Variants in PCDHA6 observed in about 807,000 individuals in gnomAD.
PCDHA6 encodes protocadherin alpha-6.
Under a neutral mutation model 60.3 loss-of-function variants are expected in PCDHA6, and 55 were observed. The ratio of observed to expected loss-of-function variants is 0.91; its 90% CI spans 0.73 to 1.14. The LOEUF is 1.14. PCDHA6 is among the 50% of genes most tolerant of loss of function. The pLI, the probability that PCDHA6 is intolerant of heterozygous loss-of-function variation, is 0.00. For synonymous variants in PCDHA6, 652 were observed against 557.9 expected, an observed-to-expected ratio of 1.17 and a Z score of -2.38; for missense variants, 1,327 against 1,256.5, an observed-to-expected ratio of 1.06 and a Z score of -0.85.
chr5:140,917,359 A>G (rs2078164580), intron 1 of PCDHA6, among the ~76,000 whole-genome samples: 3 of 142,606 alleles, frequency 2.1e-5, no homozygotes, highest in South Asian at 2.2e-4. Flanking sequence ...CTTCTGTTCC[A>G]CTATCTTGCT....
intron 1 of PCDHA6, among the ~76,000 whole-genome samples, chr5:140,922,677 G>C (rs545719033): frequency 6.6e-6 from 1 of 152,306 alleles, no homozygotes; most frequent in Admixed American, 6.5e-5. Flanking sequence ...CAGTAAAAAA[G>C]TGAACAGGCT....
rs143002904 is a variant in PCDHA6, at chr5:140,856,290, G to T, written c.2394+25805G>T. 5.0e-6 allele frequency: 8 copies of T among 1,598,368 alleles called. 2 individuals are homozygous for T. The African/African-American group carries it at 8.1e-5, about 16-fold the overall frequency. ...CTTCTGGAGGTAAATCTGCAGAATGGCATTTTGTTTGTGAATTCTCGGATT... is the reference window on the plus strand; with the variant it reads ...CTTCTGGAGGTAAATCTGCAGAATGTCATTTTGTTTGTGAATTCTCGGATT... On this transcript the variant is annotated intron_variant, in intron 1 of 3. Coordinates refer to ENST00000529310, the MANE Select transcript of PCDHA6 (RefSeq NM_018909.4).
chr5:140,984,426 G>A (rs781888913), intron 3 of PCDHA6, among the ~76,000 whole-genome samples: 2 of 152,160 alleles, frequency 1.3e-5, no homozygotes, highest in South Asian at 2.1e-4. Flanking sequence ...AGATAGAGAA[G>A]GGGATCTCCC....
At chr5:140,974,350 C>T (rs555781549) in intron 1 of PCDHA6, among the ~76,000 whole-genome samples, 1 of 152,304 alleles carries the variant, frequency 6.6e-6, no homozygotes, top group South Asian at 2.1e-4. Flanking sequence ...GCATCCAGAA[C>T]TAAACAGACC....
intron 1 of PCDHA6, among the ~76,000 whole-genome samples, chr5:140,941,235 C>CT: frequency 7.4e-6 from 1 of 135,248 alleles, no homozygotes; most frequent in Non-Finnish European, 1.6e-5. Context: ...TTCTTTCTTT[C>CT]TTTCTTTCTT....
intron 1 of PCDHA6, chr5:140,927,555 C>T (rs1554204727): frequency 8.7e-6 from 14 of 1,614,058 alleles, no homozygotes; most frequent in East Asian, 2.2e-5. Flanking sequence ...AAGTCACCAT[C>T]ATTGTGGTGG....
At chr5:140,968,029 GGT>G in intron 1 of PCDHA6, 1 of 1,614,170 alleles carries the variant, frequency 6.2e-7, no homozygotes, top group African/African-American at 1.3e-5. Context: ...CCTATACACT[GGT>G]GGTGAGCGGC....
rs575152424 is a variant in PCDHA6 at position 140,895,872 on chromosome 5, C to T, written c.2394+65387C>T. Among the ~76,000 whole-genome samples, 3 of 152,222 alleles carry T rather than the reference C, an allele frequency of 2.0e-5. No homozygotes were observed. The South Asian group carries it at 6.2e-4, about 32-fold the overall frequency. ...TGTACCCCAGGCTGGAGTGCAATGG[C>T]GCGATCTCGGCTCACTGCAACCTCC... On this transcript the variant is annotated intron_variant, in intron 1 of 3. Transcript: ENST00000529310.
At chr5:140,880,958 G>T (rs1208694420) in intron 1 of PCDHA6, among the ~76,000 whole-genome samples, 1 of 152,010 alleles carries the variant, frequency 6.6e-6, no homozygotes, top group African/African-American at 2.4e-5. Flanking sequence ...GGATGATGAG[G>T]GTAAGAGAAT....
At chr5:140,905,620 T>G (rs1417322136) in intron 1 of PCDHA6, among the ~76,000 whole-genome samples, 2 of 152,210 alleles carry the variant, frequency 1.3e-5, no homozygotes, top group African/African-American at 4.8e-5. Context: ...ATAGATTGCT[T>G]TTGACAGTAT....
chr5:140,937,039 CT>C (rs34994034), intron 1 of PCDHA6, among the ~76,000 whole-genome samples: 142 of 140,130 alleles, frequency 1.0e-3, no homozygotes, highest in Middle Eastern at 3.8e-3. Flanking sequence ...TTCCATTTAT[CT>C]TTTTTTTTTT....
At position 141,011,465 on chromosome 5, in the gene PCDHA6, G is replaced by A. The variant is rs2098420693; in HGVS notation, c.*1528G>A. ...TGAACTTTAAGCTTTATTGTTGAAT[G>A]TAATTCCATTATATTTCCTTTTGTA... On this transcript the variant is annotated 3_prime_UTR_variant, in exon 4 of 4. Transcript: ENST00000529310. The A allele has an allele frequency of 6.5e-6, 1 of 153,770 alleles. No individual in the cohort carries two copies. The highest frequency in any genetic ancestry group is 2.4e-5 in the African/African-American group (1 of 41,452). The allele number at this position is 153,770 out of a possible 1,614,324, so 9.5% of individuals were successfully genotyped here.
At chr5:140,980,684 G>GA (rs782726576) in intron 2 of PCDHA6, among the ~76,000 whole-genome samples, 3,276 of 145,132 alleles carry the variant, frequency 0.023, 40 homozygotes, top group Middle Eastern at 0.066. Flanking sequence ...TTTTCAAATT[G>GA]AAAAAAAAAA....
chr5:140,911,687 G>A (rs1554194873), intron 1 of PCDHA6, among the ~76,000 whole-genome samples: 1 of 152,166 alleles, frequency 6.6e-6, no homozygotes, highest in Non-Finnish European at 1.5e-5. Context: ...CGTGCATCAG[G>A]AGTGTCAAAT....
At chr5:140,909,312 A>AT (rs1365428416) in intron 1 of PCDHA6, among the ~76,000 whole-genome samples, 1 of 152,244 alleles carries the variant, frequency 6.6e-6, no homozygotes, top group Non-Finnish European at 1.5e-5. Context: ...AGAAAAAGGC[A>AT]TTTGCCAAAT....
chr5:140,968,370 A>T (rs1169551068), intron 1 of PCDHA6: 1 of 1,613,428 alleles, frequency 6.2e-7, no homozygotes, highest in African/African-American at 1.3e-5. Flanking sequence ...TATGCTGTCA[A>T]CTCCTTTGAC....
chr5:141,007,395 CAAAAAA>C (rs35800918), intron 3 of PCDHA6, among the ~76,000 whole-genome samples: 3 of 94,844 alleles, frequency 3.2e-5, no homozygotes, highest in East Asian at 2.9e-4. Flanking sequence ...TACTAAAATA[CAAAAAA>C]AAAAAAAAAA....
rs79307553 is a variant in PCDHA6, at chr5:140,974,500, T to G, written c.2395-4449T>G. ...ACCCAGAATTCTCAAATGTATTACC[T>G]TTGTGTTTTATTTTATTTTAGTTTT... is the stretch of plus-strand genomic sequence containing the variant. On this transcript the variant is annotated intron_variant, in intron 1 of 3. Transcript: ENST00000529310. 8.7e-3 allele frequency among the ~76,000 whole-genome samples: 1,326 copies of G among 152,308 alleles called. 23 individuals carry two copies. Among genetic ancestry groups the G allele is most frequent in the African/African-American group, 0.03 (1,239 of 41,564 alleles).
intron 1 of PCDHA6, chr5:140,836,292 C>A (rs1774344523): frequency 6.2e-7 from 1 of 1,613,662 alleles, no homozygotes; most frequent in South Asian, 1.1e-5. Context: ...GACACGAGCC[C>A]TAGATGAGAC....
Sources: gnomAD v4.1 joint callset for allele counts (sites outside exome capture counted in the v4.1 genomes callset) on GRCh38, gnomAD v4.1.1 for gene constraint, MANE v1.5 for transcripts, NCBI Gene and HGNC (gene_info 2026-07-23, HGNC 2026-07-21) for gene names.